Variants in RBFOX1 observed in about 807,000 individuals in gnomAD.
RBFOX1 encodes the protein RNA binding fox-1 homolog 1.
RBFOX1 carries 8 observed loss-of-function variants against 57.7 expected under a neutral mutation model. The ratio of observed to expected loss-of-function variants is 0.14; its 90% CI spans 0.08 to 0.25. RBFOX1 has a LOEUF of 0.25. Ranked by LOEUF, RBFOX1 falls within the 10% of genes least tolerant of loss-of-function variation. The probability of loss-of-function intolerance (pLI) is 1.00; values close to 1 mark genes in which losing one functional copy is unlikely to be tolerated. For missense variants in RBFOX1, 611 were observed against 548.5 expected (o/e 1.11, Z -1.14); for synonymous variants, 326 against 222.4 (o/e 1.47, Z -4.15).
intron 15 of RBFOX1, 37 bp downstream of exon 15, chr16:7,709,168 G>GCCT (rs767217326): frequency 1.3e-6 from 2 of 1,554,026 alleles, no homozygotes; most frequent in South Asian, 2.2e-5. Flanking sequence ...ACTTCCTCCT[G>GCCT]CCTCCCTTCC....
intron 2 of RBFOX1, among the ~76,000 whole-genome samples, chr16:6,574,866 G>T (rs1459048859): frequency 6.6e-6 from 1 of 150,724 alleles, no homozygotes; most frequent in African/African-American, 2.4e-5. Flanking sequence ...GTGAAACCCC[G>T]TCTCTACTAA....
Position 7,469,785 on chromosome 16 carries a change from G to T in RBFOX1, c.28-48362G>T, listed in dbSNP as rs531474166. Among the ~76,000 whole-genome samples, 3 of 152,220 alleles carry T rather than the reference G, an allele frequency of 2.0e-5. No individual in the cohort carries two copies. The South Asian group carries it at 6.2e-4, about 32-fold the overall frequency. On this transcript the variant is annotated intron_variant, in intron 4 of 15. Coordinates refer to ENST00000550418, the MANE Select transcript of RBFOX1 (RefSeq NM_018723.4). ...GTGCAATTACTACCATTGATCTCCA[G>T]AACTTTTTCATCTTGTGAAACTGAA...
At chr16:6,927,853 A>G (rs1476519444) in intron 3 of RBFOX1, among the ~76,000 whole-genome samples, 2 of 152,182 alleles carry the variant, frequency 1.3e-5, no homozygotes, top group African/African-American at 2.4e-5. Context: ...GGATCTCACA[A>G]CACATCATTT....
chr16:7,293,007 G>T (rs1363439168), intron 4 of RBFOX1, among the ~76,000 whole-genome samples: 1 of 152,114 alleles, frequency 6.6e-6, no homozygotes, highest in Non-Finnish European at 1.5e-5. Context: ...AGAGGAAAAG[G>T]AAGTAAGGCA....
intron 3 of RBFOX1, among the ~76,000 whole-genome samples, chr16:6,928,788 A>G (rs2076048272): frequency 6.6e-6 from 1 of 152,172 alleles, no homozygotes; most frequent in Non-Finnish European, 1.5e-5. Flanking sequence ...TCTTTCCGCT[A>G]TGAAAAGACA....
At chr16:7,565,233 T>A (rs867410087) in intron 5 of RBFOX1, among the ~76,000 whole-genome samples, 8 of 152,076 alleles carry the variant, frequency 5.3e-5, no homozygotes, top group Non-Finnish European at 1.2e-4. Context: ...ATTGTCTAAT[T>A]TAGGGTGTGG....
chr16:7,186,139 C>A (rs537144521), intron 4 of RBFOX1, among the ~76,000 whole-genome samples: 47 of 151,244 alleles, frequency 3.1e-4, no homozygotes, highest in African/African-American at 1.1e-3. Flanking sequence ...AAAGGAGATT[C>A]CTAGATATCA....
chr16:7,084,144 A>G (rs1310889268), intron 4 of RBFOX1, among the ~76,000 whole-genome samples: 1 of 152,142 alleles, frequency 6.6e-6, no homozygotes, highest in Non-Finnish European at 1.5e-5. Context: ...CAAAATATGG[A>G]AGGACTGTGG....
chr16:7,374,070 C>T (rs755367720), intron 4 of RBFOX1, among the ~76,000 whole-genome samples: 1 of 152,094 alleles, frequency 6.6e-6, no homozygotes, highest in Admixed American at 6.5e-5. Flanking sequence ...GGCAGATAGA[C>T]CCAGATACAG....
intron 2 of RBFOX1, among the ~76,000 whole-genome samples, chr16:5,582,746 C>G (rs566283141): frequency 6.6e-6 from 1 of 152,054 alleles, no homozygotes; most frequent in Non-Finnish European, 1.5e-5. Flanking sequence ...ATCTCAACCT[C>G]TGCCTCCTGC....
At chr16:5,497,638 A>AAAAAAAAAAAAAAAAAAAT (rs71142625) in intron 2 of RBFOX1, among the ~76,000 whole-genome samples, 8 of 139,444 alleles carry the variant, frequency 5.7e-5, no homozygotes, top group African/African-American at 1.8e-4. Context: ...AAAAAAAAAA[A>AAAAAAAAAAAAAAAAAAAT]GCTGGGCATG....
At chr16:7,005,822 C>A (rs1351938247) in intron 3 of RBFOX1, among the ~76,000 whole-genome samples, 1 of 152,198 alleles carries the variant, frequency 6.6e-6, no homozygotes, top group Non-Finnish European at 1.5e-5. Flanking sequence ...ACATGAGTGA[C>A]TGCTGCTTCT....
At chr16:7,433,688 C>T (rs1444383894) in intron 4 of RBFOX1, among the ~76,000 whole-genome samples, 2 of 152,174 alleles carry the variant, frequency 1.3e-5, no homozygotes, top group Non-Finnish European at 2.9e-5. Context: ...TCATCCATCC[C>T]TTCTACCATC....
intron 3 of RBFOX1, among the ~76,000 whole-genome samples, chr16:6,880,176 C>A (rs1243618124): frequency 6.6e-6 from 1 of 151,876 alleles, no homozygotes; most frequent in Non-Finnish European, 1.5e-5. Flanking sequence ...TATTCCACCT[C>A]AATCTGTGTA....
intron 1 of RBFOX1, among the ~76,000 whole-genome samples, chr16:6,229,335 A>G (rs537165069): frequency 4.6e-4 from 70 of 152,350 alleles, no homozygotes; most frequent in Admixed American, 2.0e-3. Context: ...GTTCCTCTGC[A>G]CGCAGTGCAG....
chr16:7,092,796 G>C lies in RBFOX1; in HGVS notation c.27+40698G>C, dbSNP rs896727269. Among the ~76,000 whole-genome samples, 20 of 152,196 alleles carry C rather than the reference G, an allele frequency of 1.3e-4. 1 individual carries two copies. Among genetic ancestry groups the C allele is most frequent in the Admixed American group, 1.3e-4 (2 of 15,280 alleles). Reference sequence around the variant, plus strand: ...ATCACCTGTTGATTGCAGTTCACAAGTTTGGTAATTATTTTTTCTTCAAGT... The same window carrying C: ...ATCACCTGTTGATTGCAGTTCACAACTTTGGTAATTATTTTTTCTTCAAGT... On this transcript the variant is annotated intron_variant, in intron 4 of 15. Coordinates refer to ENST00000550418, the MANE Select transcript of RBFOX1 (RefSeq NM_018723.4).
At chr16:6,753,902 C>T (rs2075367294) in intron 3 of RBFOX1, among the ~76,000 whole-genome samples, 1 of 152,066 alleles carries the variant, frequency 6.6e-6, no homozygotes, top group African/African-American at 2.4e-5. Flanking sequence ...AAATCATTCC[C>T]ACCAAGCTGT....
chr16:6,505,421 G>T (rs2096063449), intron 2 of RBFOX1, among the ~76,000 whole-genome samples: 1 of 152,148 alleles, frequency 6.6e-6, no homozygotes. Context: ...GAAACAAAAT[G>T]CTCCCATTAC....
chr16:5,599,176 T>A (rs2047284275), exon 3 of RBFOX1: 4 of 705,540 alleles, frequency 5.7e-6, no homozygotes, highest in Non-Finnish European at 1.0e-5. Context: ...GTACATGGTG[T>A]GAGAGCTGTA....
Sources: allele counts gnomAD v4.1 joint callset (sites outside exome capture counted in the v4.1 genomes callset), GRCh38; gene constraint gnomAD v4.1.1; transcripts MANE v1.5; gene names NCBI Gene and HGNC (gene_info 2026-07-23, HGNC 2026-07-21).